REDIC1: variants seen among roughly 807,000 people sequenced by gnomAD.
REDIC1 encodes HEI10 Interacting Protein 1.
At chr12:39,809,532 T>C in the REDIC1 span, among the ~76,000 whole-genome samples, 1 of 152,142 alleles carries the variant, frequency 6.6e-6, no homozygotes, top group Non-Finnish European at 1.5e-5. Context: ...ATACTTTAAG[T>C]TTTAGGGTAC....
chr12:39,714,451 C>T, the REDIC1 span, among the ~76,000 whole-genome samples: 3 of 151,184 alleles, frequency 2.0e-5, no homozygotes, highest in East Asian at 1.9e-4. Context: ...TTCATCCACT[C>T]GTTGATTGAT....
the REDIC1 span, among the ~76,000 whole-genome samples, chr12:39,864,389 A>T: frequency 6.6e-6 from 1 of 152,228 alleles, no homozygotes; most frequent in African/African-American, 2.4e-5. Context: ...ATCTTGTAAA[A>T]GTTTGATTAC....
the REDIC1 span, among the ~76,000 whole-genome samples, chr12:39,847,903 T>C: frequency 6.6e-6 from 1 of 152,140 alleles, no homozygotes; most frequent in South Asian, 2.1e-4. Flanking sequence ...TGTGTACGGG[T>C]TCAAAATGTA....
At chr12:39,881,326 G>A in the REDIC1 span, among the ~76,000 whole-genome samples, 1 of 150,810 alleles carries the variant, frequency 6.6e-6, no homozygotes, top group East Asian at 1.9e-4. Context: ...TGTGGTTTAT[G>A]TTAAAAAAAA....
the REDIC1 span, among the ~76,000 whole-genome samples, chr12:39,669,436 G>A: frequency 1.3e-5 from 2 of 152,112 alleles, no homozygotes; most frequent in African/African-American, 4.8e-5. Context: ...AGGAGTACCC[G>A]GCCCTGTGTG....
the REDIC1 span, among the ~76,000 whole-genome samples, chr12:39,641,474 G>C: frequency 6.6e-6 from 1 of 151,760 alleles, no homozygotes; most frequent in South Asian, 2.1e-4. Flanking sequence ...TGCTGAAATA[G>C]CAAACAGAGA....
chr12:39,732,959 A>C, the REDIC1 span, among the ~76,000 whole-genome samples: 1 of 152,016 alleles, frequency 6.6e-6, no homozygotes, highest in Non-Finnish European at 1.5e-5. Context: ...TTCTCCAAGA[A>C]GTCTTCATTT....
chr12:39,751,752 G>A, the REDIC1 span, among the ~76,000 whole-genome samples: 1 of 152,120 alleles, frequency 6.6e-6, no homozygotes, highest in East Asian at 1.9e-4. Context: ...GTCCTTTGTA[G>A]GGACATGGAT....
At chr12:39,704,831 C>A in the REDIC1 span, among the ~76,000 whole-genome samples, 1 of 151,924 alleles carries the variant, frequency 6.6e-6, no homozygotes, top group Non-Finnish European at 1.5e-5. Context: ...AACAAAAAAC[C>A]AAACACCGCA....
chr12:39,890,607 A>AT, the REDIC1 span, among the ~76,000 whole-genome samples: 26 of 152,178 alleles, frequency 1.7e-4, no homozygotes, highest in African/African-American at 6.0e-4. Flanking sequence ...AATTTGTGGG[A>AT]TTTTTTTCAT....
the REDIC1 span, among the ~76,000 whole-genome samples, chr12:39,813,834 TG>T: frequency 1.3e-5 from 2 of 152,204 alleles, no homozygotes; most frequent in Non-Finnish European, 2.9e-5. Context: ...GAATATTAAC[TG>T]AACAGAACCC....
At chr12:39,905,070 A>C in the REDIC1 span, among the ~76,000 whole-genome samples, 1 of 152,306 alleles carries the variant, frequency 6.6e-6, no homozygotes, top group East Asian at 1.9e-4. Flanking sequence ...AGAATGCACA[A>C]ATATGCCCAC....
chr12:39,685,809 A>T, the REDIC1 span, among the ~76,000 whole-genome samples: 1 of 152,234 alleles, frequency 6.6e-6, no homozygotes, highest in Non-Finnish European at 1.5e-5. Context: ...TAAGGTAGTT[A>T]CTTCCAAGAT....
chr12:39,704,101 C>T, the REDIC1 span, among the ~76,000 whole-genome samples: 3 of 152,064 alleles, frequency 2.0e-5, no homozygotes, highest in Admixed American at 6.5e-5. Context: ...AGAGCTTCTG[C>T]ACAGCAAAAG....
At chr12:39,647,015 G>C in the REDIC1 span, 1 of 573,394 alleles carries the variant, frequency 1.7e-6, no homozygotes, top group South Asian at 2.6e-5. Context: ...TCTTTTAAAA[G>C]CTTTCCAGGT....
At chr12:39,735,999 T>C in the REDIC1 span, among the ~76,000 whole-genome samples, 1 of 152,128 alleles carries the variant, frequency 6.6e-6, no homozygotes, top group Non-Finnish European at 1.5e-5. Flanking sequence ...AGACAGACCA[T>C]CACAAAAAGA....
the REDIC1 span, among the ~76,000 whole-genome samples, chr12:39,864,268 A>T: frequency 4.6e-5 from 7 of 152,138 alleles, no homozygotes; most frequent in Non-Finnish European, 1.0e-4. Flanking sequence ...TTACTTCCTG[A>T]TCCTCTGAAA....
chr12:39,721,036 AATG>A, the REDIC1 span: 2 of 1,613,840 alleles, frequency 1.2e-6, no homozygotes, highest in Admixed American at 1.7e-5. Context: ...AAACAAAACC[AATG>A]ATAACTGCGT....
chr12:39,748,573 T>C, the REDIC1 span, among the ~76,000 whole-genome samples: 2 of 152,154 alleles, frequency 1.3e-5, no homozygotes, highest in African/African-American at 4.8e-5. Context: ...GCAGACCTAA[T>C]AGACATCTAC....
Sources: allele counts gnomAD v4.1 joint callset (sites outside exome capture counted in the v4.1 genomes callset), GRCh38; gene constraint gnomAD v4.1.1; transcripts MANE v1.5; gene names NCBI Gene and HGNC (gene_info 2026-07-23, HGNC 2026-07-21).